RNF150: variants seen among roughly 807,000 people sequenced by gnomAD.
RNF150 encodes ring finger protein 150.
In RNF150, 24 loss-of-function variants were observed where a neutral mutation model predicts 39.3. The ratio of observed to expected loss-of-function variants is 0.61; its 90% confidence interval spans 0.44 to 0.86. RNF150 has a LOEUF of 0.86. Among genes scored for constraint, RNF150 ranks in the 40% least tolerant of loss-of-function variants. The pLI is 0.00. For synonymous variants in RNF150, 255 were observed against 227.3 expected (o/e 1.12, Z -1.10); for missense variants, 502 against 587.8 (o/e 0.85, Z 1.51).
chr4:141,088,068 T>G (rs1007224793), intron 1 of RNF150, among the ~76,000 whole-genome samples: 3 of 152,200 alleles, frequency 2.0e-5, no homozygotes, highest in African/African-American at 7.2e-5. Flanking sequence ...GAGTAAACTA[T>G]AGACAAATTA....
intron 1 of RNF150, among the ~76,000 whole-genome samples, chr4:141,075,512 C>T (rs1737861392): frequency 6.6e-6 from 1 of 152,324 alleles, no homozygotes; most frequent in African/African-American, 2.4e-5. Flanking sequence ...GTCTATTAAT[C>T]AAAATTCAGA....
At chr4:140,959,897 T>C (rs1019832004) in intron 2 of RNF150, among the ~76,000 whole-genome samples, 3 of 152,096 alleles carry the variant, frequency 2.0e-5, no homozygotes, top group Non-Finnish European at 4.4e-5. Context: ...AGGCTCAGGC[T>C]ACAGAGCGCT....
At chr4:140,946,146 C>T (rs143271996) in intron 4 of RNF150, among the ~76,000 whole-genome samples, 199 of 152,298 alleles carry the variant, frequency 1.3e-3, no homozygotes, top group African/African-American at 4.3e-3. Context: ...TACAAACTAA[C>T]GGAAAGTGAA....
At chr4:140,932,650 A>G (rs1731696664) in intron 4 of RNF150, among the ~76,000 whole-genome samples, 1 of 152,098 alleles carries the variant, frequency 6.6e-6, no homozygotes, top group Non-Finnish European at 1.5e-5. Flanking sequence ...TAGTTTCTTC[A>G]CTGATAAAAT....
intron 4 of RNF150, among the ~76,000 whole-genome samples, chr4:140,929,981 C>T (rs576877474): frequency 2.6e-5 from 4 of 152,114 alleles, no homozygotes; most frequent in East Asian, 1.9e-4. Flanking sequence ...GCCACCGTGG[C>T]GAAACCCTGT....
At chr4:141,010,277 C>T (rs564975623) in intron 1 of RNF150, among the ~76,000 whole-genome samples, 1 of 152,308 alleles carries the variant, frequency 6.6e-6, no homozygotes, top group African/African-American at 2.4e-5. Flanking sequence ...AAGATCCTTA[C>T]ATTTTTTAAC....
chr4:140,902,716 C>T (rs1338168861), intron 6 of RNF150, among the ~76,000 whole-genome samples: 2 of 152,142 alleles, frequency 1.3e-5, no homozygotes, highest in Non-Finnish European at 2.9e-5. Context: ...TGCATAACAG[C>T]ATTTTGGGAG....
intron 1 of RNF150, among the ~76,000 whole-genome samples, chr4:141,179,559 C>T (rs981572207): frequency 2.0e-5 from 3 of 152,146 alleles, no homozygotes; most frequent in Non-Finnish European, 4.4e-5. Flanking sequence ...TATACAGGCA[C>T]TTTCACCTTC....
chr4:141,212,782 T>G (rs1728491505), intron 1 of RNF150: 1 of 152,692 alleles, frequency 6.5e-6, no homozygotes, highest in South Asian at 2.1e-4. Context: ...AAAAGAGGTT[T>G]AATTGACTCA....
intron 1 of RNF150, among the ~76,000 whole-genome samples, chr4:141,054,861 T>C (rs1478003267): frequency 4.6e-5 from 7 of 152,308 alleles, no homozygotes; most frequent in African/African-American, 1.4e-4. Context: ...ACATATCGAA[T>C]TGAAACTACA....
Position 140,895,880 on chromosome 4 carries a change from A to G in RNF150, c.1198+15264T>C, listed in dbSNP as rs199938173. ...AAAGAATTTTTTTTCTGCGAAGGACATGAACAGACACTTCTCAAAAGAAGA... is the reference window on the plus strand; with the variant it reads ...AAAGAATTTTTTTTCTGCGAAGGACGTGAACAGACACTTCTCAAAAGAAGA... On this transcript the variant is annotated intron_variant, in intron 6 of 6. Transcript: ENST00000515673. 7.9e-5 allele frequency among the ~76,000 whole-genome samples: 12 copies of G among 152,152 alleles called. No individual in the cohort carries two copies. In the South Asian group the frequency reaches 1.0e-3, roughly 13 times the overall value.
chr4:140,875,153 C>A (rs1448907009), intron 6 of RNF150, among the ~76,000 whole-genome samples: 1 of 147,178 alleles, frequency 6.8e-6, no homozygotes, highest in Non-Finnish European at 1.5e-5. Flanking sequence ...ATGAACTTGA[C>A]AATCATTACG....
intron 1 of RNF150, among the ~76,000 whole-genome samples, chr4:141,111,888 A>G (rs1254357350): frequency 6.6e-6 from 1 of 152,072 alleles, no homozygotes; most frequent in Non-Finnish European, 1.5e-5. Context: ...ATTTTTTTGT[A>G]AAATGGAATT....
intron 1 of RNF150, among the ~76,000 whole-genome samples, chr4:141,151,429 C>G (rs1578768527): frequency 1.9e-5 from 1 of 53,788 alleles, no homozygotes; most frequent in African/African-American, 4.6e-5. Flanking sequence ...CACACACACA[C>G]ACACACACAC....
chr4:141,186,492 G>A (rs1055595312), intron 1 of RNF150, among the ~76,000 whole-genome samples: 30 of 152,130 alleles, frequency 2.0e-4, no homozygotes, highest in South Asian at 1.7e-3. Context: ...TCCGCCTCCC[G>A]GGTTCGTGCC....
At chr4:141,209,202 G>A (rs1183685506) in intron 1 of RNF150, among the ~76,000 whole-genome samples, 2 of 151,612 alleles carry the variant, frequency 1.3e-5, no homozygotes, top group Non-Finnish European at 2.9e-5. Context: ...ACCAAGAAAG[G>A]GAGGACTGGA....
intron 6 of RNF150, among the ~76,000 whole-genome samples, chr4:140,872,000 A>AT (rs1233961747): frequency 2.0e-4 from 31 of 152,154 alleles, no homozygotes; most frequent in African/African-American, 7.5e-4. Context: ...TCATCTAATC[A>AT]TTTTCCATTT....
At chr4:141,082,753 TA>T (rs1738208707) in intron 1 of RNF150, among the ~76,000 whole-genome samples, 1 of 151,890 alleles carries the variant, frequency 6.6e-6, no homozygotes, top group African/African-American at 2.4e-5. Flanking sequence ...TACGCCCGGC[TA>T]ATTTTTTGTA....
chr4:140,979,008 A>C (rs1378913342), intron 1 of RNF150, among the ~76,000 whole-genome samples: 1 of 152,186 alleles, frequency 6.6e-6, no homozygotes, highest in Non-Finnish European at 1.5e-5. Context: ...AACAATATAT[A>C]GTCGTTCTTT....
Sources: gnomAD v4.1 joint callset for allele counts (sites outside exome capture counted in the v4.1 genomes callset) on GRCh38, gnomAD v4.1.1 for gene constraint, MANE v1.5 for transcripts, NCBI Gene and HGNC (gene_info 2026-07-23, HGNC 2026-07-21) for gene names.